Variants in SNRPE observed in about 807,000 individuals in gnomAD.
The protein encoded by SNRPE is small nuclear ribonucleoprotein E.
For synonymous variants in SNRPE, 35 were observed against 36.7 expected (o/e 0.95, Z 0.17); for missense variants, 53 against 111.6 (o/e 0.48, Z 2.36).
At chr1:203,868,813 G>GT (rs34507192) in intron 4 of SNRPE, among the ~76,000 whole-genome samples, 115,021 of 151,900 alleles carry the variant, frequency 0.76, 43,647 homozygotes, top group East Asian at 0.8. Flanking sequence ...GGGATTACAG[G>GT]GCATGCCACC....
chr1:203,865,310 A>C (rs1690064661), intron 4 of SNRPE, among the ~76,000 whole-genome samples, 191 bp downstream of exon 4: 1 of 152,192 alleles, frequency 6.6e-6, no homozygotes, highest in Non-Finnish European at 1.5e-5. Context: ...TTCTCCACCC[A>C]GAGAGCTCTC....
chr1:203,866,674 G>C (rs1277624998), intron 4 of SNRPE, among the ~76,000 whole-genome samples: 1 of 151,922 alleles, frequency 6.6e-6, no homozygotes, highest in African/African-American at 2.4e-5. Flanking sequence ...TGCTTTCCAG[G>C]CCTCACTCAT....
intron 1 of SNRPE, chr1:203,861,991 A>G: frequency 1.6e-6 from 1 of 614,236 alleles, no homozygotes; most frequent in East Asian, 2.7e-5. Flanking sequence ...GGTTTTGGGA[A>G]ACTCCAGGGG....
chr1:203,865,685 C>T (rs1690072480), intron 4 of SNRPE, among the ~76,000 whole-genome samples: 1 of 152,150 alleles, frequency 6.6e-6, no homozygotes, highest in South Asian at 2.1e-4. Flanking sequence ...CTTCCATGCC[C>T]CTCAGTCCTC....
chr1:203,868,466 A>T (rs1558159107), intron 4 of SNRPE, among the ~76,000 whole-genome samples: 1 of 152,096 alleles, frequency 6.6e-6, no homozygotes, highest in Non-Finnish European at 1.5e-5. Flanking sequence ...TTATTTAGGC[A>T]TTTTGTCTTT....
At chr1:203,867,107 G>GA (rs71566135) in intron 4 of SNRPE, among the ~76,000 whole-genome samples, 546 of 52,828 alleles carry the variant, frequency 0.01, 8 homozygotes, top group South Asian at 0.057. Context: ...TGTCTTTCCT[G>GA]AAAAAAAAAA....
chr1:203,865,082 A>G lies in SNRPE; in HGVS notation c.186A>G (p.Glu62=). Residue 62 remains glutamate, a synonymous_variant, in exon 4 of 5, where the codon GAA becomes GAG. Coordinates refer to ENST00000414487, the MANE Select transcript of SNRPE (RefSeq NM_003094.4). ...TGAACCTTGTATTAGATGATGCAGA[A>G]GAGATTCATTCTAAAACAAAGTCAA... ...EYMNLVLDDA[E]EIHSKTKSRK... 6.2e-7 allele frequency: 1 copy of G among 1,613,012 alleles called. No individual in the cohort carries two copies. The highest frequency in any genetic ancestry group is 8.5e-7 in the Non-Finnish European group (1 of 1,179,446).
intron 3 of SNRPE, 87 bp from the exon 4 acceptor site, chr1:203,864,954 T>C: frequency 1.5e-6 from 2 of 1,300,614 alleles, no homozygotes; most frequent in South Asian, 3.4e-5. Flanking sequence ...TTGAAGTTAG[T>C]TGGAGTTTTT....
chr1:203,862,551 G>A (rs1391049080), intron 2 of SNRPE, among the ~76,000 whole-genome samples: 6 of 152,126 alleles, frequency 3.9e-5, no homozygotes, highest in African/African-American at 1.4e-4. Context: ...CTAGAACATT[G>A]GAACCTCTCC....
rs1233717994 is a variant in SNRPE at position 203,870,181 on chromosome 1, G to A, written c.*249G>A. ...TTTTCTGAAGGGTCGCAGTTGCCTT[G>A]AGCACTTGGTATTCGCAGAGCTTGG... is the stretch of plus-strand genomic sequence containing the variant. On this transcript the variant is annotated 3_prime_UTR_variant, in exon 5 of 5. Transcript: ENST00000414487. 10 of 339,922 alleles carry A rather than the reference G, an allele frequency of 2.9e-5. No homozygotes were observed. Among genetic ancestry groups the A allele is most frequent in the Non-Finnish European group, 5.3e-5 (10 of 187,108 alleles). The allele number at this position is 339,922 out of a possible 1,614,324, so 21.1% of individuals were successfully genotyped here.
chr1:203,864,625 C>G (rs1364391978), intron 3 of SNRPE, among the ~76,000 whole-genome samples: 1 of 152,068 alleles, frequency 6.6e-6, no homozygotes, highest in African/African-American at 2.4e-5. Flanking sequence ...GCCTGTAATC[C>G]TAGCACTTAG....
At position 203,871,082 on chromosome 1, in the gene SNRPE, A is replaced by C. The variant is rs386464740; in HGVS notation, c.*1150A>C. Among the ~76,000 whole-genome samples the C allele has an allele frequency of 6.6e-6, 1 of 152,244 alleles. No homozygotes were observed. The highest frequency in any genetic ancestry group is 1.5e-5 in the Non-Finnish European group (1 of 68,038). The stretch of plus-strand genomic sequence containing the variant: ...CAGCTTTGAACCATGCATTCCATCT[A>C]TATTCCTCCTGTCTGAACTCATGCT... On this transcript the variant is annotated 3_prime_UTR_variant, in exon 5 of 5. Transcript: ENST00000414487.
At chr1:203,866,795 A>G (rs908822593) in intron 4 of SNRPE, among the ~76,000 whole-genome samples, 1 of 151,870 alleles carries the variant, frequency 6.6e-6, no homozygotes, top group South Asian at 2.1e-4. Flanking sequence ...AAATCTAATG[A>G]TCTTCATGAT....
chr1:203,865,908 A>T (rs1690077869), intron 4 of SNRPE, among the ~76,000 whole-genome samples: 1 of 152,230 alleles, frequency 6.6e-6, no homozygotes, highest in Non-Finnish European at 1.5e-5. Context: ...ATAGGAAGGG[A>T]TGCGAAGCTT....
intron 4 of SNRPE, among the ~76,000 whole-genome samples, chr1:203,865,875 A>G (rs1690076920): frequency 1.3e-5 from 2 of 152,190 alleles, no homozygotes; most frequent in African/African-American, 4.8e-5. Flanking sequence ...AGTACAGATG[A>G]AGAGATGCGT....
At chr1:203,865,888 G>C (rs1398471338) in intron 4 of SNRPE, among the ~76,000 whole-genome samples, 2 of 152,196 alleles carry the variant, frequency 1.3e-5, no homozygotes, top group South Asian at 4.1e-4. Context: ...AGATGCGTAG[G>C]GCAAGGCATA....
At chr1:203,862,152 G>A in intron 1 of SNRPE, 44 bp from the exon 2 acceptor site, 1 of 1,523,812 alleles carries the variant, frequency 6.6e-7, no homozygotes, top group Non-Finnish European at 9.1e-7. Flanking sequence ...AGGAAGCAGA[G>A]TCTATGCTGC....
chr1:203,863,033 G>A (rs1183484393), intron 2 of SNRPE, among the ~76,000 whole-genome samples: 5 of 152,160 alleles, frequency 3.3e-5, no homozygotes, highest in African/African-American at 9.6e-5. Flanking sequence ...CTTATTAAAT[G>A]AAAATTCTTT....
intron 3 of SNRPE, 82 bp downstream of exon 3, chr1:203,863,807 A>G (rs886526606): frequency 7.3e-6 from 7 of 962,362 alleles, no homozygotes; most frequent in Non-Finnish European, 1.1e-5. Context: ...AGAACAGTGT[A>G]TAAAAAGTCA....
Sources: allele counts gnomAD v4.1 joint callset (sites outside exome capture counted in the v4.1 genomes callset), GRCh38; gene constraint gnomAD v4.1.1; transcripts MANE v1.5; gene names NCBI Gene and HGNC (gene_info 2026-07-23, HGNC 2026-07-21).